The following EXOC6B variants were observed in gnomAD, a reference collection of about 807,000 sequenced individuals.
EXOC6B encodes the protein exocyst complex component 6B.
EXOC6B carries 54 observed loss-of-function variants against 113.5 expected under a neutral mutation model. That is an observed-to-expected ratio of 0.48 (90% CI 0.38 to 0.60). The LOEUF (loss-of-function observed/expected upper bound fraction) is 0.60. Ranked by LOEUF, EXOC6B falls within the 20% of genes least tolerant of loss-of-function variation. EXOC6B has a pLI of 0.00. For missense variants in EXOC6B, 797 were observed against 977.5 expected (o/e 0.82, Z 2.46); for synonymous variants, 357 against 339.0 (o/e 1.05, Z -0.58).
At chr2:72,651,894 C>T (rs1408112420) in intron 6 of EXOC6B, among the ~76,000 whole-genome samples, 3 of 151,946 alleles carry the variant, frequency 2.0e-5, no homozygotes, top group African/African-American at 7.3e-5. Context: ...TTTACTGAGC[C>T]TAAAAAGATT....
intron 1 of EXOC6B, among the ~76,000 whole-genome samples, chr2:72,747,236 TTC>T (rs1681761190): frequency 6.6e-6 from 1 of 152,088 alleles, no homozygotes; most frequent in Non-Finnish European, 1.5e-5. Context: ...GGTAATTGCA[TTC>T]TCTTTGTGAG....
Position 72,601,474 on chromosome 2 carries a change from C to T in EXOC6B, c.670-25806G>A, listed in dbSNP as rs1327337705. ...TGCTGGGATTATATGTGTGAGCCACCGCGCCCAGCCTGTATGGCTAAAATT... is the reference window on the plus strand; with the variant it reads ...TGCTGGGATTATATGTGTGAGCCACTGCGCCCAGCCTGTATGGCTAAAATT... On this transcript the variant is annotated intron_variant, in intron 6 of 21. Coordinates refer to ENST00000272427, the MANE Select transcript of EXOC6B (RefSeq NM_015189.3). Among the ~76,000 whole-genome samples the T allele has an allele frequency of 8.5e-5, 13 of 152,166 alleles. No individual in the cohort carries two copies. The East Asian group carries it at 1.5e-3, about 18-fold the overall frequency.
chr2:72,699,477 CAAAAAAAAA>C (rs59106937), intron 6 of EXOC6B, among the ~76,000 whole-genome samples: 1 of 62,870 alleles, frequency 1.6e-5, no homozygotes, highest in Admixed American at 1.9e-4. Flanking sequence ...GACTCCGTCT[CAAAAAAAAA>C]AAAAAAAAGA....
At chr2:72,700,562 T>A (rs1350921582) in intron 6 of EXOC6B, among the ~76,000 whole-genome samples, 1 of 152,194 alleles carries the variant, frequency 6.6e-6, no homozygotes, top group Admixed American at 6.5e-5. Context: ...AATTCAGTGG[T>A]TACAGAGTTT....
intron 20 of EXOC6B, among the ~76,000 whole-genome samples, chr2:72,243,888 T>C (rs1040200254): frequency 7.9e-5 from 12 of 152,254 alleles, no homozygotes; most frequent in Admixed American, 5.9e-4. Context: ...AAGAACAGAA[T>C]GTAAAAAGTA....
chr2:72,693,986 T>G (rs538323469), intron 6 of EXOC6B, among the ~76,000 whole-genome samples: 1 of 152,182 alleles, frequency 6.6e-6, no homozygotes, highest in Non-Finnish European at 1.5e-5. Flanking sequence ...GGTGAGGAAA[T>G]GTGACATGAG....
chr2:72,395,719 A>C (rs1692686959), intron 18 of EXOC6B, among the ~76,000 whole-genome samples: 1 of 152,128 alleles, frequency 6.6e-6, no homozygotes, highest in Admixed American at 6.5e-5. Flanking sequence ...AAATCTTCAC[A>C]CTTTTAGTTA....
At chr2:72,371,247 G>A (rs1690994837) in intron 19 of EXOC6B, among the ~76,000 whole-genome samples, 2 of 152,014 alleles carry the variant, frequency 1.3e-5, no homozygotes, top group African/African-American at 4.8e-5. Context: ...CCAGTTCACT[G>A]CGAGTTCTAT....
intron 1 of EXOC6B, among the ~76,000 whole-genome samples, chr2:72,819,022 T>C (rs964064025): frequency 6.6e-6 from 1 of 152,180 alleles, no homozygotes; most frequent in Non-Finnish European, 1.5e-5. Flanking sequence ...ATAAGCTCAA[T>C]AAGGATAGGG....
At chr2:72,714,284 A>C in intron 6 of EXOC6B, among the ~76,000 whole-genome samples, 1 of 152,246 alleles carries the variant, frequency 6.6e-6, no homozygotes, top group Non-Finnish European at 1.5e-5. Context: ...GGCAGTGGGC[A>C]GTAAGAACAT....
At chr2:72,726,784 A>C (rs1280234144) in intron 5 of EXOC6B, among the ~76,000 whole-genome samples, 1 of 152,186 alleles carries the variant, frequency 6.6e-6, no homozygotes, top group African/African-American at 2.4e-5. Context: ...TACATTGTAA[A>C]GATAGAAGGA....
At chr2:72,767,808 TAAAAAAAAAAAAA>T (rs34358568) in intron 1 of EXOC6B, among the ~76,000 whole-genome samples, 1 of 12,680 alleles carries the variant, frequency 7.9e-5, no homozygotes, top group African/African-American at 3.0e-4. Flanking sequence ...GAGACCTTGT[TAAAAAAAAAAAAA>T]AAAAAAAAAA....
At chr2:72,206,354 T>C (rs1173487022) in intron 20 of EXOC6B, among the ~76,000 whole-genome samples, 1 of 152,192 alleles carries the variant, frequency 6.6e-6, no homozygotes, top group African/African-American at 2.4e-5. Context: ...CTGAATAAAG[T>C]GTCCTCCTCC....
At chr2:72,518,192 T>C (rs1008036486) in intron 8 of EXOC6B, among the ~76,000 whole-genome samples, 3 of 152,226 alleles carry the variant, frequency 2.0e-5, no homozygotes, top group African/African-American at 7.2e-5. Context: ...ATCATTAACA[T>C]TTTTTAAAAA....
chr2:72,460,136 G>C (rs1008862932), intron 18 of EXOC6B, among the ~76,000 whole-genome samples: 4 of 152,050 alleles, frequency 2.6e-5, no homozygotes, highest in Admixed American at 2.6e-4. Context: ...ATGGTGTTGG[G>C]AAAACTGGCT....
intron 1 of EXOC6B, among the ~76,000 whole-genome samples, chr2:72,742,255 G>A (rs1057312952): frequency 6.6e-6 from 1 of 151,780 alleles, no homozygotes; most frequent in Non-Finnish European, 1.5e-5. Flanking sequence ...ATCCCTCCTT[G>A]GTAACATATA....
intron 20 of EXOC6B, among the ~76,000 whole-genome samples, chr2:72,286,673 G>C (rs1425717268): frequency 1.3e-5 from 2 of 152,046 alleles, no homozygotes; most frequent in African/African-American, 4.8e-5. Flanking sequence ...TGTCAGTGTA[G>C]GTTTATCACA....
At chr2:72,794,291 A>G (rs938550303) in intron 1 of EXOC6B, among the ~76,000 whole-genome samples, 1 of 152,176 alleles carries the variant, frequency 6.6e-6, no homozygotes, top group Non-Finnish European at 1.5e-5. Context: ...AGTCACATGG[A>G]TCTCTTAACA....
At chr2:72,587,548 A>T (rs1272442996) in intron 6 of EXOC6B, among the ~76,000 whole-genome samples, 1 of 152,216 alleles carries the variant, frequency 6.6e-6, no homozygotes, top group Non-Finnish European at 1.5e-5. Flanking sequence ...ACGTGGCCAC[A>T]TGAAACTAAA....
Sources: allele counts gnomAD v4.1 joint callset (sites outside exome capture counted in the v4.1 genomes callset), GRCh38; gene constraint gnomAD v4.1.1; transcripts MANE v1.5; gene names NCBI Gene and HGNC (gene_info 2026-07-23, HGNC 2026-07-21).